SDHA: variants seen among roughly 807,000 people sequenced by gnomAD.
SDHA encodes the protein succinate dehydrogenase [ubiquinone] flavoprotein subunit, mitochondrial.
SDHA carries 48 observed loss-of-function variants against 78.4 expected under a neutral mutation model. The ratio of observed to expected loss-of-function variants is 0.61; its 90% CI spans 0.49 to 0.78. The LOEUF (loss-of-function observed/expected upper bound fraction) is 0.78, where lower values mean the gene tolerates loss of function less well. SDHA is among the 30% of genes least tolerant of loss of function. The pLI, the probability that SDHA is intolerant of heterozygous loss-of-function variation, is 0.00. For missense variants in SDHA, 680 were observed against 892.7 expected (o/e 0.76, Z 3.04); for synonymous variants, 326 against 353.9 (o/e 0.92, Z 0.88).
intron 11 of SDHA, chr5:250,577 G>A (rs1397967175): frequency 3.0e-6 from 1 of 327,944 alleles, no homozygotes; most frequent in Non-Finnish European, 5.9e-6. Flanking sequence ...TCCTCCTAGT[G>A]TGTATCACCA....
intron 11 of SDHA, among the ~76,000 whole-genome samples, chr5:247,106 C>T (rs1395909886): frequency 1.3e-5 from 2 of 152,230 alleles, no homozygotes; most frequent in African/African-American, 4.8e-5. Flanking sequence ...AAGCTTCTTA[C>T]TCTGGCTCGA....
intron 11 of SDHA, among the ~76,000 whole-genome samples, chr5:248,315 G>A (rs562272980): frequency 7.9e-4 from 120 of 152,124 alleles, no homozygotes; most frequent in Middle Eastern, 3.4e-3. Context: ...AACACCCGTC[G>A]AACACAGCCA....
Position 256,510 on chromosome 5 carries a change from C to T in SDHA, c.*90C>T, listed in dbSNP as rs190513271. The T allele has an allele frequency of 7.0e-6, 8 of 1,150,674 alleles. No individual in the cohort carries two copies. The highest frequency in any genetic ancestry group is 1.9e-4 in the Middle Eastern group (1 of 5,138). 71.3% of individuals were successfully genotyped at this position (1,150,674 alleles called of 1,614,324 possible). ...TCCATGTCATAACTGTCTTCATACG[C>T]TTCTGCACTCTGGGGAAGAAGGAGT... On this transcript the variant is annotated 3_prime_UTR_variant, in exon 15 of 15. Coordinates refer to ENST00000264932, the MANE Select transcript of SDHA (RefSeq NM_004168.4).
intron 1 of SDHA, among the ~76,000 whole-genome samples, chr5:222,350 C>CTTTTT (rs750198454): frequency 5.9e-5 from 8 of 135,420 alleles, no homozygotes; most frequent in African/African-American, 2.3e-4. Flanking sequence ...TTTTTCTTTT[C>CTTTTT]TTTTTTTTTT....
At position 235,301 on chromosome 5, in the gene SDHA, T is replaced by C. The variant is rs201826964; in HGVS notation, c.1222T>C (p.Tyr408His). Residue 408 changes from tyrosine to histidine, a missense_variant, in exon 9 of 15, where the codon TAT becomes CAT. Tyr to His is a moderately conservative substitution (Grantham distance 83). Transcript: ENST00000264932. Reference sequence around the variant, plus strand: ...GATCCCTGTCCTCCCCACCGTGCATTATAACATGGGCGGCATTCCCACCAA... The same window carrying C: ...GATCCCTGTCCTCCCCACCGTGCATCATAACATGGGCGGCATTCCCACCAA... The part of the protein sequence containing the change: ...EPIPVLPTVH[Y>H]NMGGIPTNYK... The C allele has an allele frequency of 6.2e-7, 1 of 1,614,108 alleles. No individual in the cohort carries two copies. The highest frequency in any genetic ancestry group is 8.5e-7 in the Non-Finnish European group (1 of 1,180,010).
At chr5:263,923 G>T in the SDHA span, among the ~76,000 whole-genome samples, 1 of 152,178 alleles carries the variant, frequency 6.6e-6, no homozygotes, top group African/African-American at 2.4e-5. Flanking sequence ...GCCTAAATAT[G>T]TTTGCAACCA....
At chr5:229,879 A>C (rs1277846629) in intron 6 of SDHA, among the ~76,000 whole-genome samples, 1 of 150,496 alleles carries the variant, frequency 6.6e-6, no homozygotes, top group Non-Finnish European at 1.5e-5. Context: ...TGGTGGCCAG[A>C]GTTAACATTA....
intron 6 of SDHA, among the ~76,000 whole-genome samples, chr5:229,059 A>G (rs1388348277): frequency 6.6e-6 from 1 of 152,206 alleles, no homozygotes; most frequent in Non-Finnish European, 1.5e-5. Flanking sequence ...TTAAAACCCC[A>G]ATGAGATATC....
intron 10 of SDHA, among the ~76,000 whole-genome samples, chr5:237,448 G>A (rs1161980897): frequency 2.3e-5 from 3 of 132,878 alleles, no homozygotes; most frequent in Non-Finnish European, 4.5e-5. Flanking sequence ...ATCAAATAAT[G>A]TGCAGTAAAG....
chr5:242,644 G>C (rs1736217519), intron 11 of SDHA, among the ~76,000 whole-genome samples: 1 of 152,144 alleles, frequency 6.6e-6, no homozygotes. Context: ...GACCGAGCTG[G>C]TCTCGGCAAA....
At chr5:220,225 C>T (rs528525390) in intron 1 of SDHA, 12 of 406,520 alleles carry the variant, frequency 3.0e-5, no homozygotes, top group African/African-American at 2.5e-4. Flanking sequence ...CTTTTGGTTT[C>T]TTTTTATGGC....
rs572037640 is a variant in SDHA, at chr5:229,274, G to T, written c.770+941G>T. Among the ~76,000 whole-genome samples the T allele has an allele frequency of 3.3e-5, 5 of 152,236 alleles. No homozygotes were observed. In the South Asian group the frequency reaches 8.3e-4, roughly 25 times the overall value. The stretch of plus-strand genomic sequence containing the variant: ...CCCATTTCTGGGTGTATATCCAAAG[G>T]GCATGAAATCAGAAGCTCAAAGAGA... On this transcript the variant is annotated intron_variant, in intron 6 of 14. Coordinates refer to ENST00000264932, the MANE Select transcript of SDHA (RefSeq NM_004168.4).
chr5:251,628 G>A (rs764536882), intron 13 of SDHA, 160 bp downstream of exon 13: 16 of 1,533,958 alleles, frequency 1.0e-5, no homozygotes, highest in Middle Eastern at 1.7e-4. Context: ...CTGGGTTCTC[G>A]CCATCTTCTG....
At chr5:252,758 T>A (rs796138124) in intron 13 of SDHA, among the ~76,000 whole-genome samples, 1,989 of 86,322 alleles carry the variant, frequency 0.023, 6 homozygotes, top group African/African-American at 0.12. Context: ...CACCGTTTCA[T>A]ACCTGCCCTG....
At position 236,684 on chromosome 5, in the gene SDHA, G is replaced by A. The variant is rs988250700; in HGVS notation, c.1432+85G>A. Reference sequence around the variant, plus strand: ...TTTTCTTTTTTTTGAGAAAGGGTCAGCCCAGGCTGGAGTGCAGTGGCACAG... The same window carrying A: ...TTTTCTTTTTTTTGAGAAAGGGTCAACCCAGGCTGGAGTGCAGTGGCACAG... On this transcript the variant is annotated intron_variant, in intron 10 of 14. Transcript: ENST00000264932. 1.5e-5 allele frequency: 21 copies of A among 1,412,726 alleles called. No homozygotes were observed. The African/African-American group carries it at 2.8e-4, about 19-fold the overall frequency. The allele number at this position is 1,412,726 out of a possible 1,614,324, so 87.5% of individuals were successfully genotyped here.
At chr5:255,673 G>A (rs1347976054) in intron 14 of SDHA, among the ~76,000 whole-genome samples, 4 of 152,012 alleles carry the variant, frequency 2.6e-5, no homozygotes, top group East Asian at 1.9e-4. Flanking sequence ...GAACTCCTGC[G>A]CTCAAGTGAT....
At position 225,428 on chromosome 5, in the gene SDHA, A is replaced by G. The variant is rs1401224564; in HGVS notation, c.322A>G (p.Asn108Asp). The G allele has an allele frequency of 6.2e-7, 1 of 1,612,428 alleles. No homozygotes were observed. The highest frequency in any genetic ancestry group is 8.5e-7 in the Non-Finnish European group (1 of 1,179,846). The change falls in exon 4 of 15, where the codon AAT (asparagine) becomes GAT (aspartate). Residue 108 changes from asparagine to aspartate, a missense_variant. Physicochemically the swap from Asn to Asp is conservative, Grantham distance 23. Coordinates refer to ENST00000264932, the MANE Select transcript of SDHA (RefSeq NM_004168.4). Reference sequence around the variant, plus strand: ...TGGTTGGTGTTTCCAGGGAGGAATCAATGCTGCTCTGGGGAACATGGAGGA... The same window carrying G: ...TGGTTGGTGTTTCCAGGGAGGAATCGATGCTGCTCTGGGGAACATGGAGGA... ...SHTVAAQGGI[N>D]AALGNMEEDN... is the part of the protein sequence containing the mutation.
At chr5:255,508 A>G (rs1386493895) in intron 14 of SDHA, among the ~76,000 whole-genome samples, 1 of 151,538 alleles carries the variant, frequency 6.6e-6, no homozygotes, top group Non-Finnish European at 1.5e-5. Context: ...CCAGGCTGAT[A>G]TGTGTTGGCT....
intron 10 of SDHA, among the ~76,000 whole-genome samples, chr5:237,849 G>A (rs1253651197): frequency 1.5e-5 from 2 of 137,324 alleles, no homozygotes; most frequent in Non-Finnish European, 3.0e-5. Context: ...TCTGACCACC[G>A]CTCGGGAGGC....
Sources: allele counts gnomAD v4.1 joint callset (sites outside exome capture counted in the v4.1 genomes callset), GRCh38; gene constraint gnomAD v4.1.1; transcripts MANE v1.5; gene names NCBI Gene and HGNC (gene_info 2026-07-23, HGNC 2026-07-21).